BST1: variants seen among roughly 807,000 people sequenced by gnomAD.
BST1 encodes the protein ADP-ribosyl cyclase/cyclic ADP-ribose hydrolase 2.
BST1 carries 49 observed loss-of-function variants against 40.6 expected under a neutral mutation model. The observed-to-expected ratio is 1.21, with a 90% CI of 0.96 to 1.53. BST1 has a LOEUF of 1.53. Ranked by LOEUF, BST1 falls within the 40% of genes most tolerant of loss-of-function variation. The pLI is 0.00. For synonymous variants in BST1, 157 were observed against 159.3 expected (o/e 0.99, Z 0.11); for missense variants, 423 against 395.9 (o/e 1.07, Z -0.58).
the BST1 span, among the ~76,000 whole-genome samples, chr4:15,765,932 A>T: frequency 5.3e-5 from 8 of 151,974 alleles, no homozygotes; most frequent in Non-Finnish European, 8.8e-5. Flanking sequence ...CTGGCAACCG[A>T]ATTTGTTTAA....
At chr4:15,754,395 G>A in the BST1 span, among the ~76,000 whole-genome samples, 1 of 152,178 alleles carries the variant, frequency 6.6e-6, no homozygotes, top group African/African-American at 2.4e-5. Context: ...ATTTCCAGAT[G>A]TTCTCTGAAG....
Position 15,703,228 on chromosome 4 carries a change from C to T in BST1, c.84C>T (p.Gly28=), listed in dbSNP as rs745979757. The change falls in exon 1 of 9, where the codon GGC becomes GGT. Residue 28 remains glycine (G), a synonymous_variant. Transcript: ENST00000265016. The part of the protein sequence containing the change: ...LLLLLLLLAA[G]GARARWRGEG... ...TTCTACTGTTGCTGCTGGCGGCGGG[C>T]GGGGCGCGCGCGCGGTGGCGCGGGG... The T allele has an allele frequency of 6.5e-7, 1 of 1,545,770 alleles. No homozygotes were observed. Among genetic ancestry groups the T allele is most frequent in the Non-Finnish European group, 8.7e-7 (1 of 1,147,242 alleles).
chr4:15,758,441 C>G, the BST1 span, among the ~76,000 whole-genome samples: 1 of 152,172 alleles, frequency 6.6e-6, no homozygotes, highest in East Asian at 1.9e-4. Context: ...ACAATGGCCT[C>G]CATTATCCTA....
intron 7 of BST1, among the ~76,000 whole-genome samples, chr4:15,719,767 A>G (rs77149654): frequency 0.021 from 3,165 of 152,268 alleles, 51 homozygotes; most frequent in Middle Eastern, 0.041. Flanking sequence ...TCTGCCTTCC[A>G]GCAGCCCCAT....
intron 8 of BST1, among the ~76,000 whole-genome samples, chr4:15,724,711 A>C (rs568627049): frequency 6.6e-6 from 1 of 152,004 alleles, no homozygotes; most frequent in Non-Finnish European, 1.5e-5. Context: ...AATAAGAGAG[A>C]GAGAGAGAGA....
At chr4:15,734,378 T>C (rs1721487590), downstream of BST1, among the ~76,000 whole-genome samples, 1 of 152,180 alleles carries the variant, frequency 6.6e-6, no homozygotes, top group Non-Finnish European at 1.5e-5. Context: ...TCAAAGAACA[T>C]TTAATCACAT....
At chr4:15,746,065 C>A in the BST1 span, among the ~76,000 whole-genome samples, 1 of 152,186 alleles carries the variant, frequency 6.6e-6, no homozygotes, top group East Asian at 1.9e-4. Flanking sequence ...GCATTTTATT[C>A]TTCTTCCCAA....
At chr4:15,719,534 C>T (rs1332742416) in intron 7 of BST1, among the ~76,000 whole-genome samples, 1 of 152,018 alleles carries the variant, frequency 6.6e-6, no homozygotes, top group Non-Finnish European at 1.5e-5. Context: ...TTGGCTCAAG[C>T]CCTAAGGTAG....
chr4:15,750,290 G>A, the BST1 span, among the ~76,000 whole-genome samples: 1 of 152,152 alleles, frequency 6.6e-6, no homozygotes, highest in South Asian at 2.1e-4. Flanking sequence ...CTCTCAAAGT[G>A]CTGGGATTAC....
chr4:15,756,638 T>C, the BST1 span, among the ~76,000 whole-genome samples: 6 of 152,232 alleles, frequency 3.9e-5, no homozygotes, highest in Non-Finnish European at 8.8e-5. Flanking sequence ...CTTCTATGAA[T>C]GACTCAGGTC....
At position 15,722,877 on chromosome 4, in the gene BST1, C is replaced by G. The variant is rs746827378; in HGVS notation, c.794C>G (p.Pro265Arg). 3 of 1,611,966 alleles carry G rather than the reference C, an allele frequency of 1.9e-6. No homozygotes were observed. The African/African-American group carries it at 4.0e-5, about 22-fold the overall frequency. The change falls in exon 8 of 9, where the codon CCA becomes CGA. Residue 265 changes from proline (P) to arginine (R), a missense_variant and splice_region_variant. Transcript: ENST00000265016. Reference sequence around the variant, plus strand: ...TAAATATTATTTTCTTTCTGTAGACCAGTGAAGCTCTTACAGTGCGTGGAC... The same window carrying G: ...TAAATATTATTTTCTTTCTGTAGACGAGTGAAGCTCTTACAGTGCGTGGAC... ...FQYSCINDYR[P>R]VKLLQCVDHS...
intron 8 of BST1, 76 bp downstream of exon 8, chr4:15,723,010 A>G (rs1720900407): frequency 2.2e-6 from 3 of 1,356,652 alleles, no homozygotes; most frequent in Non-Finnish European, 2.1e-6. Flanking sequence ...GTTCACAAAC[A>G]TGAACATATT....
chr4:15,742,315 T>C (rs915293938), downstream of BST1, among the ~76,000 whole-genome samples: 7 of 152,142 alleles, frequency 4.6e-5, no homozygotes, highest in South Asian at 4.1e-4. Context: ...GTGTGAGTTC[T>C]CACTGTCTTA....
At chr4:15,760,217 C>T in the BST1 span, among the ~76,000 whole-genome samples, 1 of 151,720 alleles carries the variant, frequency 6.6e-6, no homozygotes, top group African/African-American at 2.4e-5. Context: ...TTACACTTGG[C>T]ATGTTTTTGA....
At chr4:15,739,670 A>G (rs6833993), downstream of BST1, among the ~76,000 whole-genome samples, 5,397 of 151,960 alleles carry the variant, frequency 0.036, 293 homozygotes, top group African/African-American at 0.12. Context: ...TTGCTATAGG[A>G]CATGTGACAC....
chr4:15,757,614 T>C, the BST1 span, among the ~76,000 whole-genome samples: 20 of 152,152 alleles, frequency 1.3e-4, no homozygotes, highest in Non-Finnish European at 5.9e-5. Context: ...GAATCCTTTA[T>C]AGGGAATTTC....
chr4:15,721,935 C>A (rs1003280602), intron 7 of BST1, among the ~76,000 whole-genome samples: 1 of 152,184 alleles, frequency 6.6e-6, no homozygotes, highest in Non-Finnish European at 1.5e-5. Context: ...CTGCAGTGAT[C>A]GTGCCACAGA....
At chr4:15,707,754 A>C in intron 3 of BST1, 108 bp downstream of exon 3, 1 of 1,355,252 alleles carries the variant, frequency 7.4e-7, no homozygotes, top group East Asian at 2.4e-5. Flanking sequence ...ATCCTCTCCA[A>C]GTCCTCTGAG....
downstream of BST1, among the ~76,000 whole-genome samples, chr4:15,736,812 G>A (rs1177613033): frequency 1.3e-5 from 2 of 152,008 alleles, no homozygotes; most frequent in Non-Finnish European, 1.5e-5. Flanking sequence ...TTGTTTTTAT[G>A]TCTCTCTCTC....
Sources: allele counts gnomAD v4.1 joint callset (sites outside exome capture counted in the v4.1 genomes callset), GRCh38; gene constraint gnomAD v4.1.1; transcripts MANE v1.5; gene names NCBI Gene and HGNC (gene_info 2026-07-23, HGNC 2026-07-21).